The following UNC5D variants were observed in gnomAD, a reference collection of about 807,000 sequenced individuals.
The protein encoded by UNC5D is unc-5 netrin receptor D.
In UNC5D, 39 loss-of-function variants were observed where a neutral mutation model predicts 105.4. That is an observed-to-expected ratio of 0.37 (90% confidence interval 0.29 to 0.48). The LOEUF (loss-of-function observed/expected upper bound fraction) is 0.48. Ranked by LOEUF, UNC5D falls within the 20% of genes least tolerant of loss-of-function variation. The pLI is 0.98. For synonymous variants in UNC5D, 452 were observed against 450.4 expected, an observed-to-expected ratio of 1.00 and a Z score of -0.04; for missense variants, 991 against 1,202.4, an observed-to-expected ratio of 0.82 and a Z score of 2.60.
Position 35,782,381 on chromosome 8 carries a change from C to T in UNC5D, c.2657+7904C>T, listed in dbSNP as rs376902488. Among the ~76,000 whole-genome samples, 3 of 152,070 alleles carry T rather than the reference C, an allele frequency of 2.0e-5. No homozygotes were observed. In the East Asian group the frequency reaches 5.8e-4, roughly 29 times the overall value. ...AGATATTAATATTTTTCCATTATGA[C>T]TATGTTTCAATTCCCTATCTGGTGC... On this transcript the variant is annotated intron_variant, in intron 16 of 16. Transcript: ENST00000404895.
rs77274942 is a variant in UNC5D, at chr8:35,580,936, A to C, written c.466+12695A>C. On this transcript the variant is annotated intron_variant, in intron 3 of 16. Transcript: ENST00000404895. ...AAAGTGTAGAGAGGGAATAGGAGTT[A>C]CAGAGTGAGGAAGTAGAGGTCAGAA... 1.7e-3 allele frequency among the ~76,000 whole-genome samples: 263 copies of C among 152,302 alleles called. 5 individuals are homozygous for C. In the East Asian group the frequency reaches 0.044, roughly 25 times the overall value.
At position 35,774,544 on chromosome 8, in the gene UNC5D, T is replaced by G; in HGVS notation, c.2657+67T>G. 2.6e-6 allele frequency: 4 copies of G among 1,565,626 alleles called. No individual in the cohort carries two copies. In the South Asian group the frequency reaches 4.7e-5, roughly 18 times the overall value. ...ACTTGGAAACATAAAGTGGGCTAAG[T>G]GAAACCATGTAGTTTCTGAGCCCTA... is the stretch of plus-strand genomic sequence containing the variant. On this transcript the variant is annotated intron_variant, in intron 16 of 16. Coordinates refer to ENST00000404895, the MANE Select transcript of UNC5D (RefSeq NM_080872.4).
chr8:35,261,349 T>A (rs1005883369), intron 1 of UNC5D, among the ~76,000 whole-genome samples: 13 of 152,236 alleles, frequency 8.5e-5, no homozygotes, highest in African/African-American at 3.1e-4. Context: ...AAATGAACTC[T>A]ATTTTATGCC....
At chr8:35,433,756 G>A (rs1395754456) in intron 1 of UNC5D, among the ~76,000 whole-genome samples, 2 of 151,558 alleles carry the variant, frequency 1.3e-5, no homozygotes, top group African/African-American at 2.4e-5. Context: ...GGCTGAGGCA[G>A]GAGAATTGCT....
intron 3 of UNC5D, among the ~76,000 whole-genome samples, chr8:35,570,307 C>T (rs1232011234): frequency 6.6e-6 from 1 of 152,146 alleles, no homozygotes; most frequent in Non-Finnish European, 1.5e-5. Context: ...AGTTCTACTA[C>T]TTAGTTTTGT....
intron 5 of UNC5D, 32 bp downstream of exon 5, chr8:35,683,759 G>T (rs1484365931): frequency 1.4e-6 from 2 of 1,454,554 alleles, no homozygotes; most frequent in East Asian, 2.6e-5. Flanking sequence ...GGAATGGATA[G>T]GGAGGGCAGA....
At chr8:35,410,843 T>A (rs980358761) in intron 1 of UNC5D, among the ~76,000 whole-genome samples, 1 of 152,108 alleles carries the variant, frequency 6.6e-6, no homozygotes, top group Non-Finnish European at 1.5e-5. Context: ...CAAATGACTG[T>A]CTTTTCACAT....
chr8:35,683,430 C>T (rs1436619067), intron 4 of UNC5D, 117 bp from the exon 5 acceptor site: 1 of 1,021,900 alleles, frequency 9.8e-7, no homozygotes, highest in African/African-American at 1.7e-5. Context: ...CCAATCATTG[C>T]TGTTGCTCTA....
chr8:35,721,830 G>GA (rs1326353586), intron 8 of UNC5D, among the ~76,000 whole-genome samples: 1 of 152,190 alleles, frequency 6.6e-6, no homozygotes, highest in Non-Finnish European at 1.5e-5. Flanking sequence ...TTATCACTGT[G>GA]TGTGGGTCTG....
At position 35,633,280 on chromosome 8, in the gene UNC5D, G is replaced by C. The variant is rs576617546; in HGVS notation, c.570+37623G>C. On this transcript the variant is annotated intron_variant, in intron 4 of 16. Transcript: ENST00000404895. ...CTACATGCTTGTTCACTTGCTGCCA[G>C]GTTACAATTTAAATACTCCCTTGGA... 3.1e-3 allele frequency among the ~76,000 whole-genome samples: 476 copies of C among 152,236 alleles called. 4 individuals are homozygous for C. The highest frequency in any genetic ancestry group is 0.01 in the African/African-American group (435 of 41,540).
chr8:35,413,072 G>A (rs931258210), intron 1 of UNC5D, among the ~76,000 whole-genome samples: 24 of 152,250 alleles, frequency 1.6e-4, no homozygotes, highest in Admixed American at 1.2e-3. Context: ...GCGCTATGTA[G>A]TGGATTAATG....
chr8:35,328,224 AT>A (rs1283667964), intron 1 of UNC5D, among the ~76,000 whole-genome samples: 2 of 48,832 alleles, frequency 4.1e-5, no homozygotes, highest in Admixed American at 6.1e-4. Context: ...GATTTACTTT[AT>A]TTTATTTATT....
intron 1 of UNC5D, among the ~76,000 whole-genome samples, chr8:35,346,727 C>T (rs1450284617): frequency 6.6e-6 from 1 of 151,830 alleles, no homozygotes; most frequent in Non-Finnish European, 1.5e-5. Context: ...GAATGAGTTG[C>T]TTATTTTGAC....
chr8:35,272,962 GCCAGGAGAGGCT>G (rs997508965), intron 1 of UNC5D, among the ~76,000 whole-genome samples: 22 of 152,142 alleles, frequency 1.4e-4, no homozygotes, highest in Non-Finnish European at 2.9e-4. Flanking sequence ...TTTAAGGAAT[GCCAGGAGAGGCT>G]CCAAAGACTG....
intron 1 of UNC5D, among the ~76,000 whole-genome samples, chr8:35,408,733 G>A (rs976008672): frequency 2.0e-5 from 3 of 151,338 alleles, no homozygotes; most frequent in Admixed American, 6.6e-5. Context: ...ATCCCACAGT[G>A]TAACCATATG....
intron 1 of UNC5D, among the ~76,000 whole-genome samples, chr8:35,287,954 T>C (rs1424137594): frequency 6.6e-6 from 1 of 152,122 alleles, no homozygotes; most frequent in African/African-American, 2.4e-5. Flanking sequence ...GAAGAAGGCC[T>C]ATGAAAATTA....
At chr8:35,470,442 C>T (rs114784258) in intron 1 of UNC5D, among the ~76,000 whole-genome samples, 1,549 of 151,896 alleles carry the variant, frequency 0.01, 29 homozygotes, top group African/African-American at 0.036. Flanking sequence ...GGAAGATGTA[C>T]ACATGTGTAC....
chr8:35,336,802 T>TC (rs1811080376), intron 1 of UNC5D, among the ~76,000 whole-genome samples: 1 of 151,804 alleles, frequency 6.6e-6, no homozygotes, highest in Non-Finnish European at 1.5e-5. Flanking sequence ...TTTTTTTTTT[T>TC]TCTTTATTTT....
intron 1 of UNC5D, among the ~76,000 whole-genome samples, chr8:35,306,802 C>A (rs1808456830): frequency 6.6e-6 from 1 of 152,064 alleles, no homozygotes. Context: ...TTTTTCTATG[C>A]CTACATTTCC....
Sources: gnomAD v4.1 joint callset for allele counts (sites outside exome capture counted in the v4.1 genomes callset) on GRCh38, gnomAD v4.1.1 for gene constraint, MANE v1.5 for transcripts, NCBI Gene and HGNC (gene_info 2026-07-23, HGNC 2026-07-21) for gene names.